The following SPPL3 variants were observed in gnomAD, a reference collection of about 807,000 sequenced individuals.
SPPL3 encodes signal peptide peptidase-like 3.
Under a neutral mutation model 42.4 loss-of-function variants are expected in SPPL3, and 5 were observed. That is an observed-to-expected ratio of 0.12 (90% confidence interval 0.06 to 0.25). The LOEUF (loss-of-function observed/expected upper bound fraction) is 0.25, where lower values mean the gene tolerates loss of function less well. Ranked by LOEUF, SPPL3 falls within the 10% of genes least tolerant of loss-of-function variation. SPPL3 has a pLI of 1.00. For missense variants in SPPL3, 235 were observed against 489.0 expected (o/e 0.48, Z 4.90); for synonymous variants, 195 against 181.8 (o/e 1.07, Z -0.58).
At chr12:120,769,216 A>G (rs1592953064) in intron 6 of SPPL3, 157 bp from the exon 7 acceptor site, 1 of 582,732 alleles carries the variant, frequency 1.7e-6, no homozygotes, top group Non-Finnish European at 3.1e-6. Flanking sequence ...CTGGTGCAAA[A>G]CACCCGCTTC....
rs147023026 is a variant in SPPL3, at chr12:120,798,352, G to T, written c.102-6795C>A. Among the ~76,000 whole-genome samples the T allele has an allele frequency of 1.7e-4, 26 of 152,242 alleles. No homozygotes were observed. In the East Asian group the frequency reaches 4.0e-3, roughly 24 times the overall value. Reference sequence around the variant, plus strand: ...ACGTACACTTACTGCTCATACCTCAGTCACACTTAGAGGAATAGCTATGGC... The same window carrying T: ...ACGTACACTTACTGCTCATACCTCATTCACACTTAGAGGAATAGCTATGGC... On this transcript the variant is annotated intron_variant, in intron 2 of 10. Coordinates refer to ENST00000353487, the MANE Select transcript of SPPL3 (RefSeq NM_139015.5).
intron 3 of SPPL3, among the ~76,000 whole-genome samples, chr12:120,784,910 CA>C (rs1869666722): frequency 6.6e-6 from 1 of 151,844 alleles, no homozygotes; most frequent in Non-Finnish European, 1.5e-5. Flanking sequence ...CAGATTAGTC[CA>C]TTTGGGTAAA....
chr12:120,767,291 C>T, intron 9 of SPPL3, 103 bp downstream of exon 9: 1 of 1,267,988 alleles, frequency 7.9e-7, no homozygotes, highest in South Asian at 1.4e-5. Context: ...AGAATTCCTG[C>T]TCTCCTTCCA....
intron 1 of SPPL3, among the ~76,000 whole-genome samples, chr12:120,835,129 C>T (rs1871567044): frequency 6.6e-6 from 1 of 152,186 alleles, no homozygotes; most frequent in Admixed American, 6.5e-5. Flanking sequence ...AACAGGGACC[C>T]TGTTCCAACT....
In SPPL3 at chr12:120,894,495, G is replaced by A. The variant is rs1223580346; in HGVS notation, c.23+9350C>T. ...AACAAAACAAAGTCAGGCACTGTAC[G>A]TAGGTCACAATGACTGTATAACTAG... On this transcript the variant is annotated intron_variant, in intron 1 of 10. Coordinates refer to ENST00000353487, the MANE Select transcript of SPPL3 (RefSeq NM_139015.5). Among the ~76,000 whole-genome samples, 7 of 152,336 alleles carry A rather than the reference G, an allele frequency of 4.6e-5. No homozygotes were observed. The South Asian group carries it at 1.2e-3, about 27-fold the overall frequency.
At chr12:120,819,152 C>G (rs1870973607) in intron 1 of SPPL3, among the ~76,000 whole-genome samples, 3 of 152,242 alleles carry the variant, frequency 2.0e-5, no homozygotes, top group African/African-American at 7.2e-5. Flanking sequence ...TGATACTACA[C>G]TAAAATTCAA....
At chr12:120,785,140 A>G (rs1357951962) in intron 3 of SPPL3, among the ~76,000 whole-genome samples, 1 of 152,166 alleles carries the variant, frequency 6.6e-6, no homozygotes, top group African/African-American at 2.4e-5. Context: ...GTGGTAGCTC[A>G]CGCCTGTAAT....
At chr12:120,875,387 AAAATATAAAAC>A (rs1217352154) in intron 1 of SPPL3, among the ~76,000 whole-genome samples, 1 of 152,188 alleles carries the variant, frequency 6.6e-6, no homozygotes, top group Non-Finnish European at 1.5e-5. Flanking sequence ...TCAACCACTA[AAAATATAAAAC>A]AAAGATGTGA....
At chr12:120,845,096 AG>A in intron 1 of SPPL3, 1 of 373,692 alleles carries the variant, frequency 2.7e-6, no homozygotes, top group Non-Finnish European at 5.3e-6. Flanking sequence ...AGTGAGAGGG[AG>A]GGGTGTCGCA....
intron 1 of SPPL3, among the ~76,000 whole-genome samples, chr12:120,873,052 A>C (rs1872976966): frequency 6.6e-6 from 1 of 152,260 alleles, no homozygotes; most frequent in Non-Finnish European, 1.5e-5. Flanking sequence ...TGGAATTAGA[A>C]CACAAGGACG....
intron 1 of SPPL3, among the ~76,000 whole-genome samples, chr12:120,872,449 C>T (rs957961272): frequency 9.2e-5 from 14 of 152,228 alleles, no homozygotes; most frequent in African/African-American, 2.9e-4. Flanking sequence ...CTGGAGACAA[C>T]TCCCAGGCTT....
Position 120,861,788 on chromosome 12 carries a change from G to A in SPPL3, c.23+42057C>T, listed in dbSNP as rs138274670. Among the ~76,000 whole-genome samples the A allele has an allele frequency of 3.4e-4, 52 of 152,258 alleles. No individual in the cohort carries two copies. In the East Asian group the frequency reaches 7.3e-3, roughly 21 times the overall value. On this transcript the variant is annotated intron_variant, in intron 1 of 10. Coordinates refer to ENST00000353487, the MANE Select transcript of SPPL3 (RefSeq NM_139015.5). The stretch of plus-strand genomic sequence containing the variant: ...TCTTATTCCTTGTTACTTGTATTAT[G>A]AAATGATTTCTGATACCCAAGATTT...
At chr12:120,830,957 G>A (rs1463999710) in intron 1 of SPPL3, among the ~76,000 whole-genome samples, 1 of 152,132 alleles carries the variant, frequency 6.6e-6, no homozygotes, top group South Asian at 2.1e-4. Context: ...TTCTGGAGGG[G>A]ATCAGCACTG....
Position 120,810,838 on chromosome 12 carries a change from G to A in SPPL3, c.72C>T (p.Ser24=), listed in dbSNP as rs768439442. ...DSSQVSTFLI[S]ILLIVYGSFR... ...AACTACCATAGACTATAAGAAGAAT[G>A]GAAATCAGAAATGTAGACACTTGAC... Residue 24 remains serine, a synonymous_variant, in exon 2 of 11, where the codon TCC becomes TCT. Transcript: ENST00000353487. The A allele has an allele frequency of 2.4e-5, 39 of 1,612,884 alleles. No individual in the cohort carries two copies. Among genetic ancestry groups the A allele is most frequent in the Non-Finnish European group, 3.2e-5 (38 of 1,179,132 alleles).
At chr12:120,827,731 T>C (rs756474782) in intron 1 of SPPL3, among the ~76,000 whole-genome samples, 1 of 152,116 alleles carries the variant, frequency 6.6e-6, no homozygotes, top group Non-Finnish European at 1.5e-5. Flanking sequence ...CTCCAAGAGC[T>C]AATGGTAAAC....
At chr12:120,802,388 T>C (rs1046934915) in intron 2 of SPPL3, among the ~76,000 whole-genome samples, 4 of 134,168 alleles carry the variant, frequency 3.0e-5, no homozygotes, top group African/African-American at 1.3e-4. Flanking sequence ...TGTATATATA[T>C]ACACATATAT....
chr12:120,821,818 ATGGGT>A (rs1315433039), intron 1 of SPPL3, among the ~76,000 whole-genome samples: 2 of 152,202 alleles, frequency 1.3e-5, no homozygotes, highest in African/African-American at 4.8e-5. Flanking sequence ...GCCGTGAATA[ATGGGT>A]TGGGTTGGGT....
intron 10 of SPPL3, among the ~76,000 whole-genome samples, chr12:120,765,577 G>A (rs571659829): frequency 6.6e-6 from 1 of 152,294 alleles, no homozygotes; most frequent in African/African-American, 2.4e-5. Context: ...CATGCCCCTG[G>A]CCCCTTTCTG....
At chr12:120,852,698 T>TATA (rs1566060791) in intron 1 of SPPL3, among the ~76,000 whole-genome samples, 5 of 30,996 alleles carry the variant, frequency 1.6e-4, no homozygotes, top group Admixed American at 6.5e-4. Context: ...AATATACATA[T>TATA]TTTACATATA....
Sources: allele counts gnomAD v4.1 joint callset (sites outside exome capture counted in the v4.1 genomes callset), GRCh38; gene constraint gnomAD v4.1.1; transcripts MANE v1.5; gene names NCBI Gene and HGNC (gene_info 2026-07-23, HGNC 2026-07-21).